CAMSAP2: variants seen among roughly 807,000 people sequenced by gnomAD.
CAMSAP2 encodes calmodulin-regulated spectrin-associated protein 2.
In CAMSAP2, 26 loss-of-function variants were observed where a neutral mutation model predicts 146.1. That is an observed-to-expected ratio of 0.18 (90% CI 0.13 to 0.25). CAMSAP2 has a LOEUF of 0.25. CAMSAP2 is among the 10% of genes least tolerant of loss of function. The pLI is 1.00. For missense variants in CAMSAP2, 1,381 were observed against 1,759.3 expected, an observed-to-expected ratio of 0.78 and a Z score of 3.85; for synonymous variants, 499 against 596.6, an observed-to-expected ratio of 0.84 and a Z score of 2.38.
Position 200,817,233 on chromosome 1 carries a change from T to C in CAMSAP2, c.645+1589T>C, listed in dbSNP as rs1390376214. 5.8e-4 allele frequency among the ~76,000 whole-genome samples: 27 copies of C among 46,474 alleles called. 1 individual carries two copies. Among genetic ancestry groups the C allele is most frequent in the Non-Finnish European group, 6.0e-4 (13 of 21,614 alleles). 30.5% of individuals were successfully genotyped at this position (46,474 alleles called of 152,430 possible). ...ACATACACACATATGTGTGTGTATA[T>C]ACACACATACACACATATGTGTGTG... On this transcript the variant is annotated intron_variant, in intron 4 of 16. Transcript: ENST00000358823.
At position 200,807,114 on chromosome 1, in the gene CAMSAP2, A is replaced by G. The variant is rs376414969; in HGVS notation, c.400-262A>G. ...AAATGACCATGACATTATAAAAAAT[A>G]GGAAAAACAAGAAAAGAAGCATCTT... On this transcript the variant is annotated intron_variant, in intron 2 of 16. Coordinates refer to ENST00000358823, the MANE Select transcript of CAMSAP2 (RefSeq NM_203459.4). Among the ~76,000 whole-genome samples, 13 of 152,324 alleles carry G rather than the reference A, an allele frequency of 8.5e-5. No individual in the cohort carries two copies. The East Asian group carries it at 2.3e-3, about 27-fold the overall frequency.
In CAMSAP2 at chr1:200,738,940, A is replaced by AGCGGCGGCG. The variant is rs537301220; in HGVS notation, c.-879_-871dup. ...TCCAGTGCCGCAGCCGGAAAACCGC[A>AGCGGCGGCG]GCGGCGGCGGCGGCGGCTGAGGGGG... On this transcript the variant is annotated 5_prime_UTR_variant, in exon 1 of 17. Transcript: ENST00000358823. Among the ~76,000 whole-genome samples, 38,669 of 148,944 alleles carry AGCGGCGGCG rather than the reference A, an allele frequency of 0.26. 5,372 individuals carry two copies. Among genetic ancestry groups the AGCGGCGGCG allele is most frequent in the East Asian group, 0.36 (1,788 of 4,924 alleles).
chr1:200,774,635 G>A (rs1432078974), intron 2 of CAMSAP2, among the ~76,000 whole-genome samples: 1 of 152,216 alleles, frequency 6.6e-6, no homozygotes, highest in East Asian at 1.9e-4. Flanking sequence ...TATAGTTAGA[G>A]TGGCTAGGAG....
In CAMSAP2 at chr1:200,832,277, G is replaced by T; in HGVS notation, c.723G>T (p.Gly241=). The change falls in exon 5 of 17, where the codon GGG becomes GGT. Residue 241 remains glycine, a synonymous_variant. Transcript: ENST00000358823. The surrounding 1 kb of genome is among the most constrained non-coding windows in gnomAD (Gnocchi z 4.2). ...IPLVENLLKD[G]TDGCALAALI... is the part of the protein sequence containing the mutation. ...TGGTAGAAAATTTGTTGAAGGATGGGACAGATGGCTGTGCATTAGCTGCCC... is the reference window on the plus strand; with the variant it reads ...TGGTAGAAAATTTGTTGAAGGATGGTACAGATGGCTGTGCATTAGCTGCCC... The T allele has an allele frequency of 6.2e-7, 1 of 1,613,528 alleles. No individual in the cohort carries two copies. Among genetic ancestry groups the T allele is most frequent in the Non-Finnish European group, 8.5e-7 (1 of 1,179,680 alleles).
At chr1:200,828,028 G>GT (rs1213653892) in intron 4 of CAMSAP2, among the ~76,000 whole-genome samples, 4 of 151,960 alleles carry the variant, frequency 2.6e-5, no homozygotes, top group African/African-American at 9.7e-5. Context: ...TGCCAACTAG[G>GT]TTTTTTTCCA....
At chr1:200,808,571 C>T (rs1571778070) in intron 3 of CAMSAP2, among the ~76,000 whole-genome samples, 1 of 152,136 alleles carries the variant, frequency 6.6e-6, no homozygotes, top group Non-Finnish European at 1.5e-5. Flanking sequence ...AATACTTTGC[C>T]TCTGGAGTTC....
In CAMSAP2 at chr1:200,807,846, T is replaced by C. The variant is rs539959990; in HGVS notation, c.561+309T>C. 3.3e-5 allele frequency among the ~76,000 whole-genome samples: 5 copies of C among 151,160 alleles called. No individual in the cohort carries two copies. In the South Asian group the frequency reaches 1.1e-3, roughly 32 times the overall value. Reference sequence around the variant, plus strand: ...ACCTCCGCCCTTCAGGTTCTAGCAATTCTCATGCCTCGGCCTCCCAAGTAG... The same window carrying C: ...ACCTCCGCCCTTCAGGTTCTAGCAACTCTCATGCCTCGGCCTCCCAAGTAG... On this transcript the variant is annotated intron_variant, in intron 3 of 16. Coordinates refer to ENST00000358823, the MANE Select transcript of CAMSAP2 (RefSeq NM_203459.4).
rs1667506686 is a variant in CAMSAP2 at position 200,848,038 on chromosome 1, A to G, written c.1269A>G (p.Ser423=). The change falls in exon 11 of 17, where the codon TCA becomes TCG. Residue 423 remains serine, a synonymous_variant. Coordinates refer to ENST00000358823, the MANE Select transcript of CAMSAP2 (RefSeq NM_203459.4). ...CTCTTTAACTTTTTTTTAGATCATC[A>G]GTGCATGGCGTATCATTTGATATTT... ...IGTWPKEKRS[S]VHGVSFDISF... The G allele has an allele frequency of 6.7e-7, 1 of 1,497,270 alleles. No homozygotes were observed. 92.7% of individuals were successfully genotyped at this position (1,497,270 alleles called of 1,614,324 possible).
intron 4 of CAMSAP2, among the ~76,000 whole-genome samples, chr1:200,830,608 G>A (rs1667017944): frequency 6.6e-6 from 1 of 152,194 alleles, no homozygotes; most frequent in East Asian, 1.9e-4. Context: ...AGATACCGCT[G>A]TACTGGTTGA....
At chr1:200,771,051 T>C (rs1665102056) in intron 2 of CAMSAP2, among the ~76,000 whole-genome samples, 1 of 152,136 alleles carries the variant, frequency 6.6e-6, no homozygotes. Flanking sequence ...ATGTATTGAT[T>C]CCGGAAAGAC....
chr1:200,771,441 C>T (rs944585836), intron 2 of CAMSAP2, among the ~76,000 whole-genome samples: 5 of 151,880 alleles, frequency 3.3e-5, no homozygotes, highest in African/African-American at 1.2e-4. Flanking sequence ...AAAATTATCT[C>T]GTTCTTAAGT....
In CAMSAP2 at chr1:200,848,462, G is replaced by T. The variant is rs773163516; in HGVS notation, c.1693G>T (p.Ala565Ser). 5 of 1,613,232 alleles carry T rather than the reference G, an allele frequency of 3.1e-6. No homozygotes were observed. The Admixed American group carries it at 8.4e-5, about 27-fold the overall frequency. ...TCATACACCTCAGCCAGACCAAATT[G>T]CTAATGGCTTCTTTCTTCATAGTCA... ...SPHTPQPDQI[A>S]NGFFLHSQEM... The change falls in exon 11 of 17, where the codon GCT becomes TCT. Residue 565 changes from alanine (A) to serine (S), a missense_variant. Transcript: ENST00000358823.
chr1:200,809,404 A>C (rs150396295), intron 3 of CAMSAP2, among the ~76,000 whole-genome samples: 1 of 151,918 alleles, frequency 6.6e-6, no homozygotes, highest in Non-Finnish European at 1.5e-5. Flanking sequence ...TTTAATGTAC[A>C]TAAGAATTAC....
At chr1:200,754,951 G>A (rs1208774326) in intron 1 of CAMSAP2, among the ~76,000 whole-genome samples, 2 of 152,034 alleles carry the variant, frequency 1.3e-5, no homozygotes, top group East Asian at 3.9e-4. Context: ...TTATTCAGTG[G>A]GTTATAATTC....
At chr1:200,856,351 T>C (rs1016165926) in intron 15 of CAMSAP2, among the ~76,000 whole-genome samples, 5 of 152,230 alleles carry the variant, frequency 3.3e-5, no homozygotes, top group Non-Finnish European at 5.9e-5. Context: ...TTTCTGTGTG[T>C]AGTTTGGGTC....
chr1:200,853,479 A>G lies in CAMSAP2; in HGVS notation c.3807A>G (p.Pro1269=), dbSNP rs748399063. The change falls in exon 13 of 17, where the codon CCA becomes CCG. Residue 1269 remains proline (P), a synonymous_variant. Coordinates refer to ENST00000358823, the MANE Select transcript of CAMSAP2 (RefSeq NM_203459.4). This position sits in a 1 kb window ranked among gnomAD's most constrained non-coding sequence, Gnocchi z 5.1. ...ATCATATTGAATCCCCCAAAACACC[A>G]ATAAAGGGTCCTCCAGGTAACATAG... ...HRDHIESPKT[P]IKGPPVSSLS... is the part of the protein sequence containing the mutation. 5.6e-6 allele frequency: 9 copies of G among 1,612,304 alleles called. No individual in the cohort carries two copies. The highest frequency in any genetic ancestry group is 7.6e-6 in the Non-Finnish European group (9 of 1,178,970).
At position 200,760,832 on chromosome 1, in the gene CAMSAP2, T is replaced by G. The variant is rs2103001640; in HGVS notation, c.140-7T>G. On this transcript the variant is annotated splice_polypyrimidine_tract_variant and splice_region_variant and intron_variant, in intron 1 of 16. Transcript: ENST00000358823. The stretch of plus-strand genomic sequence containing the variant: ...TGTAAGAGAATTTTTTCCATTAATC[T>G]TTATAGAAAATGTGCCAGAGGAACT... The G allele has an allele frequency of 6.4e-7, 1 of 1,555,622 alleles. No homozygotes were observed. The highest frequency in any genetic ancestry group is 2.3e-5 in the East Asian group (1 of 43,894).
At chr1:200,826,199 G>GCACT (rs1666902701) in intron 4 of CAMSAP2, among the ~76,000 whole-genome samples, 1 of 152,084 alleles carries the variant, frequency 6.6e-6, no homozygotes, top group South Asian at 2.1e-4. Context: ...GGGAGGCCTA[G>GCACT]GTGGGAGGTT....
chr1:200,855,448 C>CTT (rs1331759632), intron 14 of CAMSAP2, among the ~76,000 whole-genome samples: 1 of 152,090 alleles, frequency 6.6e-6, no homozygotes, highest in African/African-American at 2.4e-5. Flanking sequence ...GAGTTCTTAT[C>CTT]TTTGTATTAC....
Sources: gnomAD v4.1 joint callset for allele counts (sites outside exome capture counted in the v4.1 genomes callset) on GRCh38, gnomAD v4.1.1 for gene constraint, Gnocchi (gnomAD v3.1) non-coding constraint, MANE v1.5 for transcripts, NCBI Gene and HGNC (gene_info 2026-07-23, HGNC 2026-07-21) for gene names.